The following EDARADD variants were observed in gnomAD, a reference collection of about 807,000 sequenced individuals.
The protein encoded by EDARADD is ectodysplasin-A receptor-associated adapter protein.
In EDARADD, 20 loss-of-function variants were observed where a neutral mutation model predicts 25.6. The ratio of observed to expected loss-of-function variants is 0.78; its 90% CI spans 0.55 to 1.14. The LOEUF (loss-of-function observed/expected upper bound fraction) is 1.14, where lower values mean the gene tolerates loss of function less well. EDARADD is among the 50% of genes most tolerant of loss of function. EDARADD has a pLI of 0.00. For synonymous variants in EDARADD, 86 were observed against 94.4 expected, an observed-to-expected ratio of 0.91 and a Z score of 0.52; for missense variants, 225 against 270.1, an observed-to-expected ratio of 0.83 and a Z score of 1.17.
chr1:236,414,723 A>G (rs1445933018), intron 3 of EDARADD, among the ~76,000 whole-genome samples: 1 of 152,040 alleles, frequency 6.6e-6, no homozygotes, highest in African/African-American at 2.4e-5. Flanking sequence ...AGCCTGAGGT[A>G]TGGTGTGGGC....
intron 3 of EDARADD, among the ~76,000 whole-genome samples, chr1:236,361,634 T>TG (rs1187799104): frequency 7.1e-6 from 1 of 141,392 alleles, no homozygotes; most frequent in African/African-American, 2.7e-5. Context: ...ACAGCCAAAT[T>TG]TTATATATAT....
chr1:236,465,892 C>G (rs549249789), intron 4 of EDARADD, among the ~76,000 whole-genome samples: 5 of 152,180 alleles, frequency 3.3e-5, no homozygotes, highest in Admixed American at 6.5e-5. Flanking sequence ...GCATATTAAT[C>G]TAAATTCTAT....
At chr1:236,465,858 A>G (rs116592483) in intron 4 of EDARADD, among the ~76,000 whole-genome samples, 1 of 152,230 alleles carries the variant, frequency 6.6e-6, no homozygotes, top group Non-Finnish European at 1.5e-5. Context: ...CAACCTGATA[A>G]TCAGAGCTAA....
chr1:236,409,746 T>C (rs970608207), intron 2 of EDARADD, among the ~76,000 whole-genome samples: 4 of 148,298 alleles, frequency 2.7e-5, no homozygotes, highest in African/African-American at 1.0e-4. Flanking sequence ...TTTTTTTTGG[T>C]AGAGTGGGGG....
chr1:236,471,444 T>C (rs1246756076), intron 5 of EDARADD, among the ~76,000 whole-genome samples: 1 of 151,878 alleles, frequency 6.6e-6, no homozygotes, highest in Non-Finnish European at 1.5e-5. Context: ...ATATGTTTAT[T>C]TCCCAACCAC....
At chr1:236,473,970 A>C (rs952018355) in intron 5 of EDARADD, among the ~76,000 whole-genome samples, 18 of 152,170 alleles carry the variant, frequency 1.2e-4, no homozygotes, top group African/African-American at 4.3e-4. Context: ...CATTGGCATA[A>C]GACTTGGCAA....
intron 3 of EDARADD, among the ~76,000 whole-genome samples, chr1:236,370,515 C>T (rs974209981): frequency 6.6e-6 from 1 of 152,174 alleles, no homozygotes; most frequent in African/African-American, 2.4e-5. Context: ...TCAAATCAGT[C>T]TCCCCCAGCA....
chr1:236,400,720 A>ATT (rs55864840), intron 1 of EDARADD, among the ~76,000 whole-genome samples: 3,192 of 121,132 alleles, frequency 0.026, 147 homozygotes, highest in East Asian at 0.12. Context: ...ACACCCGGCT[A>ATT]TTTTTTTTTT....
intron 4 of EDARADD, among the ~76,000 whole-genome samples, chr1:236,429,368 G>A (rs1264373674): frequency 2.0e-5 from 3 of 149,646 alleles, no homozygotes; most frequent in Non-Finnish European, 3.0e-5. Context: ...CACCATGCCC[G>A]GCTACTTTAT....
intron 3 of EDARADD, among the ~76,000 whole-genome samples, chr1:236,426,965 T>A (rs917134804): frequency 6.6e-6 from 1 of 152,082 alleles, no homozygotes; most frequent in African/African-American, 2.4e-5. Context: ...CACTGCAAAC[T>A]TTGTCTCCTG....
At chr1:236,356,732 C>T (rs1286921090) in intron 3 of EDARADD, among the ~76,000 whole-genome samples, 1 of 147,910 alleles carries the variant, frequency 6.8e-6, no homozygotes, top group East Asian at 2.0e-4. Flanking sequence ...CGTGTACTTA[C>T]AGCCCCTTTA....
At chr1:236,353,310 G>T (rs1040817720) in intron 3 of EDARADD, among the ~76,000 whole-genome samples, 1 of 152,144 alleles carries the variant, frequency 6.6e-6, no homozygotes, top group African/African-American at 2.4e-5. Context: ...GGTAAAAGTC[G>T]TTCTAGCTCT....
At chr1:236,383,513 G>A (rs1027469024) in intron 3 of EDARADD, among the ~76,000 whole-genome samples, 1 of 152,064 alleles carries the variant, frequency 6.6e-6, no homozygotes, top group Non-Finnish European at 1.5e-5. Context: ...AAAACCTGTT[G>A]TTTTATATAT....
intron 2 of EDARADD, among the ~76,000 whole-genome samples, chr1:236,350,471 C>T (rs1031261450): frequency 6.6e-6 from 1 of 152,160 alleles, no homozygotes; most frequent in African/African-American, 2.4e-5. Flanking sequence ...GACAGGTTTT[C>T]ACCAAGTTTG....
chr1:236,379,236 G>A (rs1667265964), intron 3 of EDARADD, among the ~76,000 whole-genome samples: 1 of 151,876 alleles, frequency 6.6e-6, no homozygotes, highest in Non-Finnish European at 1.5e-5. Flanking sequence ...TGGGTGTGCT[G>A]GCGCATGTCT....
intron 4 of EDARADD, among the ~76,000 whole-genome samples, chr1:236,455,679 C>A (rs1032899521): frequency 6.6e-6 from 1 of 152,238 alleles, no homozygotes; most frequent in Non-Finnish European, 1.5e-5. Context: ...CAGTCCAAAC[C>A]AACGGCAGGT....
At chr1:236,458,213 G>A (rs544500969) in intron 4 of EDARADD, among the ~76,000 whole-genome samples, 1 of 152,216 alleles carries the variant, frequency 6.6e-6, no homozygotes, top group East Asian at 1.9e-4. Flanking sequence ...CATGGTGCAA[G>A]GTTCACAGTG....
chr1:236,445,959 T>C (rs1042288148), intron 4 of EDARADD, among the ~76,000 whole-genome samples: 2 of 152,192 alleles, frequency 1.3e-5, no homozygotes, highest in African/African-American at 4.8e-5. Flanking sequence ...AAAGAATGCT[T>C]TCAGGATTGG....
Position 236,366,442 on chromosome 1 carries a change from A to G in EDARADD, c.-6+15603A>G, listed in dbSNP as rs113832983. 8.5e-5 allele frequency among the ~76,000 whole-genome samples: 13 copies of G among 152,202 alleles called. 2 individuals carry two copies. Among genetic ancestry groups the G allele is most frequent in the African/African-American group, 3.1e-4 (13 of 41,524 alleles). ...ACTGTGTCCTTTGTCCTCTGTGTAC[A>G]CTGGGCACCTCTAATCTTTTCTGAT... On this transcript the variant is annotated intron_variant, in intron 3 of 7. Coordinates refer to the EDARADD transcript ENST00000439430.
Sources: gnomAD v4.1 joint callset for allele counts (sites outside exome capture counted in the v4.1 genomes callset) on GRCh38, gnomAD v4.1.1 for gene constraint, MANE v1.5 for transcripts, NCBI Gene and HGNC (gene_info 2026-07-23, HGNC 2026-07-21) for gene names.